The following INPP5B variants were observed in gnomAD, a reference collection of about 807,000 sequenced individuals.
The protein encoded by INPP5B is inositol polyphosphate-5-phosphatase B, also known as type II inositol 1,4,5-trisphosphate 5-phosphatase.
Under a neutral mutation model 118.5 loss-of-function variants are expected in INPP5B, and 90 were observed. The ratio of observed to expected loss-of-function variants is 0.76; its 90% CI spans 0.64 to 0.90. The LOEUF is 0.90. Ranked by LOEUF, INPP5B falls within the 40% of genes least tolerant of loss-of-function variation. The probability of loss-of-function intolerance (pLI) is 0.00; values close to 1 mark genes in which losing one functional copy is unlikely to be tolerated. For missense variants in INPP5B, 984 were observed against 1,125.6 expected (o/e 0.87, Z 1.80); for synonymous variants, 385 against 418.9 (o/e 0.92, Z 0.99).
At chr1:37,931,628 C>G (rs1451222264) in intron 7 of INPP5B, 1 of 1,536,626 alleles carries the variant, frequency 6.5e-7, no homozygotes, top group Admixed American at 2.0e-5. Context: ...CGCACCGCCG[C>G]CCCCGGCCCA....
intron 16 of INPP5B, 30 bp from the exon 17 acceptor site, chr1:37,875,746 C>A (rs1642758962): frequency 6.5e-7 from 1 of 1,542,998 alleles, no homozygotes; most frequent in Middle Eastern, 1.7e-4. Context: ...GACTGAGTAC[C>A]TTGGCTTCTG....
At position 37,878,096 on chromosome 1, in the gene INPP5B, G is replaced by T. The variant is rs535679949; in HGVS notation, c.1677+92C>A. On this transcript the variant is annotated intron_variant, in intron 16 of 23. Transcript: ENST00000373024. The stretch of plus-strand genomic sequence containing the variant: ...AAAGGGGCTTCTTCCCTCTCAAAAG[G>T]AGAGGAAGAAACCAGAAAGACAAGA... The T allele has an allele frequency of 3.9e-4, 562 of 1,445,978 alleles. 1 individual carries two copies. Among genetic ancestry groups the T allele is most frequent in the South Asian group, 2.1e-3 (158 of 76,804 alleles). 89.6% of individuals were successfully genotyped at this position (1,445,978 alleles called of 1,614,324 possible).
At chr1:37,875,505 T>C (rs754745858) in intron 17 of INPP5B, 101 bp downstream of exon 17, 7 of 781,078 alleles carry the variant, frequency 9.0e-6, no homozygotes, top group Non-Finnish European at 1.3e-5. Context: ...CCTGACCTCA[T>C]GACCTGCCCA....
At chr1:37,887,594 A>T in intron 10 of INPP5B, 129 bp from the exon 11 acceptor site, 2 of 594,316 alleles carry the variant, frequency 3.4e-6, no homozygotes. Flanking sequence ...GGAAAAAATA[A>T]ACATTTAGAG....
At chr1:37,946,150 T>C (rs766196353) in intron 2 of INPP5B, 102 bp downstream of exon 2, 25 of 1,096,116 alleles carry the variant, frequency 2.3e-5, no homozygotes, top group Admixed American at 2.0e-4. Flanking sequence ...TCTCCCCTGA[T>C]GGTTCAGAGG....
chr1:37,901,992 AT>A (rs34179585), intron 7 of INPP5B, among the ~76,000 whole-genome samples: 22 of 148,412 alleles, frequency 1.5e-4, no homozygotes, highest in African/African-American at 3.7e-4. Context: ...CCTCTATTAA[AT>A]TTTTTTTTTT....
chr1:37,889,787 C>G, intron 8 of INPP5B, 63 bp from the exon 9 acceptor site: 1 of 1,331,690 alleles, frequency 7.5e-7, no homozygotes, highest in Non-Finnish European at 1.0e-6. Flanking sequence ...TGAATGAATA[C>G]AAAGCTAAAA....
intron 15 of INPP5B, 46 bp downstream of exon 15, chr1:37,880,039 T>G: frequency 7.7e-7 from 1 of 1,290,444 alleles, no homozygotes; most frequent in South Asian, 1.3e-5. Context: ...TCCCAGAATT[T>G]CTGGGTTTCC....
intron 6 of INPP5B, among the ~76,000 whole-genome samples, chr1:37,934,034 A>G (rs1344597961): frequency 6.6e-6 from 1 of 151,840 alleles, no homozygotes; most frequent in Non-Finnish European, 1.5e-5. Context: ...CCCGGGTTCA[A>G]ATGATTCTCC....
Position 37,895,723 on chromosome 1 carries a change from C to T in INPP5B, c.533-4269G>A, listed in dbSNP as rs113339521. ...GGAGACGGGGATTCGCTGTGTTGGC[C>T]GGGCTGGTCTCCAGCTCCTAACCGC... On this transcript the variant is annotated intron_variant, in intron 7 of 23. Coordinates refer to ENST00000373024, the MANE Select transcript of INPP5B (RefSeq NM_005540.3). Among the ~76,000 whole-genome samples the T allele has an allele frequency of 6.6e-5, 10 of 152,262 alleles. No homozygotes were observed. In the South Asian group the frequency reaches 1.2e-3, roughly 19 times the overall value.
At chr1:37,946,720 CT>C (rs931954404) in intron 1 of INPP5B, among the ~76,000 whole-genome samples, 33 of 152,074 alleles carry the variant, frequency 2.2e-4, no homozygotes, top group African/African-American at 8.0e-4. Flanking sequence ...GCTAGCGCCT[CT>C]CTGGGAGGTG....
chr1:37,868,726 C>T, intron 19 of INPP5B, 112 bp from the exon 20 acceptor site: 1 of 699,364 alleles, frequency 1.4e-6, no homozygotes, highest in Non-Finnish European at 2.6e-6. Flanking sequence ...CTGCCCCTAA[C>T]CACGCATTCC....
Position 37,864,350 on chromosome 1 carries a change from T to C in INPP5B, c.2588A>G (p.Lys863Arg), listed in dbSNP as rs1641897573. 1 of 1,612,806 alleles carries C rather than the reference T, an allele frequency of 6.2e-7. No individual in the cohort carries two copies. Among genetic ancestry groups the C allele is most frequent in the South Asian group, 1.1e-5 (1 of 91,038 alleles). Residue 863 changes from lysine (K) to arginine (R), a missense_variant, in exon 23 of 24, where the codon AAA becomes AGA. This residue lies in a region of INPP5B where 634 missense variants were observed against 791.0 expected (regional missense o/e 0.80). Transcript: ENST00000373024. ...YLMAFLRELL[K>R]NSAKNHLDEN... is the part of the protein sequence containing the mutation. The stretch of plus-strand genomic sequence containing the variant: ...ATCCAAATGATTTTTTGCTGAATTT[T>C]TCAGCAGTTCTCGCAAAAACGCCAT...
At chr1:37,913,345 A>AT (rs1644764195) in intron 7 of INPP5B, among the ~76,000 whole-genome samples, 1 of 142,178 alleles carries the variant, frequency 7.0e-6, no homozygotes, top group Non-Finnish European at 1.6e-5. Flanking sequence ...ATATGACAAC[A>AT]TAAAAAAACT....
intron 10 of INPP5B, among the ~76,000 whole-genome samples, chr1:37,887,967 A>G (rs1317592362): frequency 6.6e-6 from 1 of 152,206 alleles, no homozygotes; most frequent in East Asian, 1.9e-4. Flanking sequence ...TGTCCAAGCA[A>G]TAAAGTTCAG....
At chr1:37,941,958 A>AAAAAAAAAAAAAAAAATATATATATAT (rs1427344681) in intron 5 of INPP5B, 1 of 30,384 alleles carries the variant, frequency 3.3e-5, no homozygotes, top group Non-Finnish European at 6.6e-5. Flanking sequence ...AAAAAAAAAA[A>AAAAAAAAAAAAAAAAATATATATATAT]ATATATATAT....
intron 7 of INPP5B, among the ~76,000 whole-genome samples, chr1:37,912,599 T>C (rs763193442): frequency 8.5e-5 from 13 of 152,170 alleles, no homozygotes; most frequent in Admixed American, 2.6e-4. Context: ...GCCCTGCCCT[T>C]GTTTACACTG....
At chr1:37,936,185 G>T (rs1225084653) in intron 6 of INPP5B, among the ~76,000 whole-genome samples, 1 of 152,084 alleles carries the variant, frequency 6.6e-6, no homozygotes, top group Non-Finnish European at 1.5e-5. Flanking sequence ...ACCCCTCCTG[G>T]CTCAGCTCTC....
chr1:37,887,335 C>A lies in INPP5B; in HGVS notation c.1014+16G>T. 1 of 1,434,426 alleles carries A rather than the reference C, an allele frequency of 7.0e-7. No homozygotes were observed. Among genetic ancestry groups the A allele is most frequent in the South Asian group, 1.2e-5 (1 of 84,158 alleles). 88.9% of individuals were successfully genotyped at this position (1,434,426 alleles called of 1,614,324 possible). The stretch of plus-strand genomic sequence containing the variant: ...ATGGCAACATAAAATTAAGAGGTCC[C>A]TGACTCCTCTCTTACCTTTGCATAT... On this transcript the variant is annotated intron_variant, in intron 11 of 23. Transcript: ENST00000373024.
Sources: gnomAD v4.1 joint callset for allele counts (sites outside exome capture counted in the v4.1 genomes callset) on GRCh38, gnomAD v4.1.1 for gene constraint, gnomAD v4.1.1 regional missense constraint, MANE v1.5 for transcripts, NCBI Gene and HGNC (gene_info 2026-07-23, HGNC 2026-07-21) for gene names.